NOL4L: variants seen among roughly 807,000 people sequenced by gnomAD.
The protein encoded by NOL4L is nucleolar protein 4 like.
A neutral mutation model predicts 64.5 loss-of-function variants in NOL4L; 7 were observed. The ratio of observed to expected loss-of-function variants is 0.11; its 90% CI spans 0.06 to 0.20. The LOEUF (loss-of-function observed/expected upper bound fraction) is 0.20, where lower values mean the gene tolerates loss of function less well. NOL4L is among the 10% of genes least tolerant of loss of function. The pLI, the probability that NOL4L is intolerant of heterozygous loss-of-function variation, is 1.00. For synonymous variants in NOL4L, 413 were observed against 401.0 expected (o/e 1.03, Z -0.36); for missense variants, 680 against 967.1 (o/e 0.70, Z 3.94).
At chr20:32,560,481 G>GT (rs1978942514) in intron 1 of NOL4L, among the ~76,000 whole-genome samples, 1 of 152,208 alleles carries the variant, frequency 6.6e-6, no homozygotes. Context: ...GCTACCCGCT[G>GT]CCCCAACTGT....
At chr20:32,573,769 G>T (rs1176553538) in intron 1 of NOL4L, 1 of 157,918 alleles carries the variant, frequency 6.3e-6, no homozygotes, top group African/African-American at 2.4e-5. Context: ...TCAACATAAA[G>T]CCTTTCACCC....
chr20:32,500,241 T>C (rs774991310), intron 4 of NOL4L, among the ~76,000 whole-genome samples: 1 of 152,186 alleles, frequency 6.6e-6, no homozygotes, highest in African/African-American at 2.4e-5. Flanking sequence ...ACAAAATATA[T>C]AGAGATGAGG....
intron 2 of NOL4L, among the ~76,000 whole-genome samples, chr20:32,522,660 G>A (rs2017987380): frequency 6.6e-6 from 1 of 152,224 alleles, no homozygotes; most frequent in South Asian, 2.1e-4. Flanking sequence ...GTTCCTCTCA[G>A]GCCAGCTGGG....
intron 1 of NOL4L, among the ~76,000 whole-genome samples, chr20:32,570,536 T>G (rs1979691548): frequency 6.6e-6 from 1 of 152,170 alleles, no homozygotes; most frequent in Non-Finnish European, 1.5e-5. Flanking sequence ...ACAGTCACCC[T>G]GTGTACCCAG....
intron 1 of NOL4L, among the ~76,000 whole-genome samples, chr20:32,578,998 C>T (rs1980301344): frequency 6.6e-6 from 1 of 152,338 alleles, no homozygotes; most frequent in East Asian, 1.9e-4. Context: ...TTATGGCCAC[C>T]TCTTGGCTTC....
At chr20:32,583,249 C>A (rs891398546) in intron 1 of NOL4L, among the ~76,000 whole-genome samples, 13 of 151,372 alleles carry the variant, frequency 8.6e-5, no homozygotes, top group Non-Finnish European at 1.6e-4. Context: ...CGGGGGGAGG[C>A]GCCTCCGGAT....
At chr20:32,550,364 G>A (rs940430212) in intron 1 of NOL4L, among the ~76,000 whole-genome samples, 9 of 152,120 alleles carry the variant, frequency 5.9e-5, no homozygotes, top group African/African-American at 1.2e-4. Flanking sequence ...CTCCGGCCTC[G>A]GCCTCCCGAG....
intron 2 of NOL4L, among the ~76,000 whole-genome samples, chr20:32,521,925 G>A (rs903249103): frequency 4.6e-5 from 7 of 152,246 alleles, no homozygotes; most frequent in African/African-American, 7.2e-5. Context: ...TGTCCTCGCC[G>A]CAGCCCGCAG....
chr20:32,493,644 G>A (rs550518258), intron 4 of NOL4L, among the ~76,000 whole-genome samples: 4 of 152,320 alleles, frequency 2.6e-5, no homozygotes, highest in South Asian at 2.1e-4. Context: ...ACAGAGCACC[G>A]CCCGAACCAT....
intron 6 of NOL4L, among the ~76,000 whole-genome samples, chr20:32,455,889 C>G (rs2013452146): frequency 6.6e-6 from 1 of 152,192 alleles, no homozygotes; most frequent in Non-Finnish European, 1.5e-5. Flanking sequence ...GCCGTCAGCT[C>G]CACTTCACAG....
rs1399109295 is a variant in NOL4L, at chr20:32,464,959, C to T, written c.842-8564G>A. ...CTAGCCTTTTCCAAGGCTCAGTAGC[C>T]GTCCTTGGCTAATGAATTAGACGTC... On this transcript the variant is annotated intron_variant, in intron 5 of 10. Transcript: ENST00000621426. This position sits in a 1 kb window ranked among gnomAD's most constrained non-coding sequence, Gnocchi z 5.6. 1.7e-5 allele frequency: 9 copies of T among 541,932 alleles called. No individual in the cohort carries two copies. Among genetic ancestry groups the T allele is most frequent in the East Asian group, 3.4e-5 (1 of 29,538 alleles). The allele number at this position is 541,932 out of a possible 1,614,324, so 33.6% of individuals were successfully genotyped here. A position where few individuals can be genotyped will look rare whatever the true frequency, so the allele number is the denominator to read the frequency against.
At chr20:32,517,130 G>A (rs1158930733) in intron 3 of NOL4L, among the ~76,000 whole-genome samples, 1 of 152,166 alleles carries the variant, frequency 6.6e-6, no homozygotes, top group Non-Finnish European at 1.5e-5. Context: ...CTGGGGGAGG[G>A]CACGGGGCTG....
chr20:32,527,900 A>G lies in NOL4L; in HGVS notation c.335T>C (p.Leu112Pro). 6.5e-7 allele frequency: 1 copy of G among 1,550,384 alleles called. No individual in the cohort carries two copies. Among genetic ancestry groups the G allele is most frequent in the East Asian group, 2.4e-5 (1 of 40,898 alleles). The part of the protein sequence containing the change: ...PVKTGSGADG[L>P]SEPEGISLKR... ...CAGAGAGATGCCCTCTGGCTCCGAC[A>G]GGCCATCTGCCCCCTGCGACAGGGT... Residue 112 changes from leucine (L) to proline (P), a missense_variant, in exon 2 of 11, where the codon CTG becomes CCG. Leu to Pro is a moderately conservative substitution (Grantham distance 98). This residue lies in a region of NOL4L where 181 missense variants were observed against 335.2 expected (regional missense o/e 0.54). Transcript: ENST00000621426.
chr20:32,489,261 C>T (rs1456145376), intron 4 of NOL4L, among the ~76,000 whole-genome samples: 2 of 151,540 alleles, frequency 1.3e-5, no homozygotes, highest in African/African-American at 4.9e-5. Context: ...ATCTTTATTC[C>T]ATCTTTTATT....
At chr20:32,535,826 C>G (rs1345585145) in intron 1 of NOL4L, 4 of 985,368 alleles carry the variant, frequency 4.1e-6, no homozygotes, top group African/African-American at 3.5e-5. Context: ...AGGAGAGGGG[C>G]TGGGGAAATG....
chr20:32,532,624 C>A (rs936990657), intron 1 of NOL4L, among the ~76,000 whole-genome samples: 4 of 152,220 alleles, frequency 2.6e-5, no homozygotes, highest in African/African-American at 4.8e-5. Context: ...TGGGAAGCCC[C>A]TGCCATCCCC....
intron 4 of NOL4L, chr20:32,483,524 G>C (rs886298811): frequency 6.1e-5 from 60 of 983,088 alleles, no homozygotes; most frequent in Non-Finnish European, 6.8e-5. Context: ...CCCGGCCCGG[G>C]GGCGGGGGTG....
chr20:32,562,611 C>A (rs1456843834), intron 1 of NOL4L, among the ~76,000 whole-genome samples: 1 of 152,150 alleles, frequency 6.6e-6, no homozygotes, highest in Admixed American at 6.5e-5. Flanking sequence ...TCCTCTGCTC[C>A]CTACCCTCTG....
At chr20:32,528,573 C>T (rs1369248861) in intron 1 of NOL4L, among the ~76,000 whole-genome samples, 2 of 152,212 alleles carry the variant, frequency 1.3e-5, no homozygotes, top group Admixed American at 6.5e-5. Flanking sequence ...ATCAGGCTGG[C>T]TGAGTGGTGT....
Sources: allele counts gnomAD v4.1 joint callset (sites outside exome capture counted in the v4.1 genomes callset), GRCh38; gene constraint gnomAD v4.1.1; regional missense constraint gnomAD v4.1.1; non-coding constraint Gnocchi (gnomAD v3.1); transcripts MANE v1.5; gene names NCBI Gene and HGNC (gene_info 2026-07-23, HGNC 2026-07-21).